Variants in MEF2C observed in about 807,000 individuals in gnomAD.
MEF2C encodes myocyte enhancer factor 2C.
In MEF2C, 6 loss-of-function variants were observed where a neutral mutation model predicts 50.5. That is an observed-to-expected ratio of 0.12 (90% CI 0.07 to 0.23). The LOEUF is 0.23. Ranked by LOEUF, MEF2C falls within the 10% of genes least tolerant of loss-of-function variation. The probability of loss-of-function intolerance (pLI) is 1.00; values close to 1 mark genes in which losing one functional copy is unlikely to be tolerated. For missense variants in MEF2C, 276 were observed against 605.0 expected, an observed-to-expected ratio of 0.46 and a Z score of 5.70; for synonymous variants, 183 against 228.0, an observed-to-expected ratio of 0.80 and a Z score of 1.78.
chr5:88,746,630 T>C, intron 6 of MEF2C: 1 of 985,446 alleles, frequency 1.0e-6, no homozygotes, highest in Admixed American at 6.1e-5. Context: ...GGTTTTCTTC[T>C]CTGAAAATGT....
intron 4 of MEF2C, 23 bp downstream of exon 4, chr5:88,761,162 T>C: frequency 6.2e-7 from 1 of 1,613,992 alleles, no homozygotes; most frequent in Non-Finnish European, 8.5e-7. Flanking sequence ...GTAAAAAAAA[T>C]GAAGGGTGTT....
At chr5:88,870,383 A>G (rs1829136615) in intron 1 of MEF2C, among the ~76,000 whole-genome samples, 1 of 152,108 alleles carries the variant, frequency 6.6e-6, no homozygotes, top group African/African-American at 2.4e-5. Flanking sequence ...CTTTAAAAAA[A>G]CCTGTAAAAG....
chr5:88,823,670 C>T (rs1375717967), intron 2 of MEF2C, 65 bp downstream of exon 2: 1 of 1,421,564 alleles, frequency 7.0e-7, no homozygotes, highest in Admixed American at 1.8e-5. Context: ...TTTTCTGTAC[C>T]CTTAACATAT....
intron 1 of MEF2C, among the ~76,000 whole-genome samples, chr5:88,845,037 C>T (rs1444806398): frequency 6.6e-6 from 1 of 152,138 alleles, no homozygotes; most frequent in Admixed American, 6.5e-5. Context: ...TTTAAAATTA[C>T]CCATTGATTG....
chr5:88,765,439 A>G lies in MEF2C; in HGVS notation c.259-4111T>C, dbSNP rs76564347. Among the ~76,000 whole-genome samples, 1,081 of 152,342 alleles carry G rather than the reference A, an allele frequency of 7.1e-3. 6 individuals are homozygous for G. The highest frequency in any genetic ancestry group is 0.014 in the Middle Eastern group (4 of 294). ...CATAGTGTGAATGTGGAACTATAAG[A>G]GCAGTTTTATCTTTATTATATTAAA... is the stretch of plus-strand genomic sequence containing the variant. On this transcript the variant is annotated intron_variant, in intron 3 of 10. Transcript: ENST00000504921.
intron 3 of MEF2C, among the ~76,000 whole-genome samples, chr5:88,789,409 C>A (rs180930999): frequency 2.6e-5 from 4 of 151,906 alleles, no homozygotes; most frequent in Non-Finnish European, 5.9e-5. Context: ...CTCAAGTAAT[C>A]CTCCTGTCTC....
chr5:88,835,330 AGC>A (rs1344767147), intron 1 of MEF2C, among the ~76,000 whole-genome samples: 4 of 152,184 alleles, frequency 2.6e-5, no homozygotes, highest in African/African-American at 9.7e-5. Context: ...TAATCAGCAG[AGC>A]TTTGATTAAG....
intron 1 of MEF2C, among the ~76,000 whole-genome samples, chr5:88,829,856 T>C (rs1460795269): frequency 2.0e-5 from 3 of 151,934 alleles, no homozygotes; most frequent in Non-Finnish European, 4.4e-5. Context: ...GGGAAAAAAA[T>C]CTTCATTTGT....
At chr5:88,748,898 A>G in intron 6 of MEF2C, 172 bp downstream of exon 6, 1 of 985,416 alleles carries the variant, frequency 1.0e-6, no homozygotes, top group African/African-American at 1.7e-5. Flanking sequence ...CTTCTAAGTT[A>G]CTATTTAACC....
intron 3 of MEF2C, among the ~76,000 whole-genome samples, chr5:88,799,077 C>T (rs1021471717): frequency 6.6e-6 from 1 of 152,206 alleles, no homozygotes; most frequent in Non-Finnish European, 1.5e-5. Context: ...AGGTGTCTGT[C>T]GACCCCTGCT....
At chr5:88,751,383 C>T (rs1772659602) in intron 5 of MEF2C, 1 of 985,120 alleles carries the variant, frequency 1.0e-6, no homozygotes, top group African/African-American at 1.7e-5. Context: ...TCCTTTCTGC[C>T]TAAGTCCTTT....
intron 3 of MEF2C, among the ~76,000 whole-genome samples, chr5:88,769,676 G>C (rs1246084738): frequency 1.3e-5 from 2 of 152,148 alleles, no homozygotes; most frequent in African/African-American, 4.8e-5. Context: ...ACAGAGTCTT[G>C]CTCTGTCACC....
chr5:88,815,449 TTTAG>T (rs1360154939), intron 2 of MEF2C, among the ~76,000 whole-genome samples: 18 of 152,138 alleles, frequency 1.2e-4, no homozygotes, highest in African/African-American at 3.4e-4. Context: ...TAGTGATTTC[TTTAG>T]TTAAACTGTT....
intron 3 of MEF2C, among the ~76,000 whole-genome samples, chr5:88,786,237 T>C (rs1790834073): frequency 6.6e-6 from 1 of 152,044 alleles, no homozygotes. Flanking sequence ...TAAAGAAAAA[T>C]TCAGAGTTCA....
At chr5:88,746,916 G>A (rs571522696) in intron 6 of MEF2C, among the ~76,000 whole-genome samples, 29 of 152,150 alleles carry the variant, frequency 1.9e-4, no homozygotes, top group Non-Finnish European at 3.7e-4. Context: ...CTACATGCTC[G>A]TAGCTATAAT....
chr5:88,858,793 AT>A (rs201087803), intron 1 of MEF2C, among the ~76,000 whole-genome samples: 3 of 152,196 alleles, frequency 2.0e-5, no homozygotes, highest in African/African-American at 7.2e-5. Context: ...AAAAAACGCT[AT>A]TTTTAAAAAA....
chr5:88,824,734 TATC>T (rs1204887834), intron 1 of MEF2C: 4 of 151,900 alleles, frequency 2.6e-5, no homozygotes, highest in Admixed American at 2.6e-4. Flanking sequence ...GAAACAGACA[TATC>T]ATGTCTTTGT....
At chr5:88,723,082 C>T (rs1163388865) in intron 10 of MEF2C, among the ~76,000 whole-genome samples, 157 bp from the exon 11 acceptor site, 2 of 152,214 alleles carry the variant, frequency 1.3e-5, no homozygotes, top group Non-Finnish European at 2.9e-5. Flanking sequence ...GCATCGCCTT[C>T]TCAGGGCGAT....
chr5:88,852,893 G>C (rs2362111), intron 1 of MEF2C, among the ~76,000 whole-genome samples: 63,049 of 151,372 alleles, frequency 0.42, 13,745 homozygotes, highest in East Asian at 0.48. Context: ...CCAGCCTGGG[G>C]GACAGGGCAA....
Sources: allele counts gnomAD v4.1 joint callset (sites outside exome capture counted in the v4.1 genomes callset), GRCh38; gene constraint gnomAD v4.1.1; transcripts MANE v1.5; gene names NCBI Gene and HGNC (gene_info 2026-07-23, HGNC 2026-07-21).